The following LRMDA variants were observed in gnomAD, a reference collection of about 807,000 sequenced individuals.
The protein encoded by LRMDA is leucine-rich melanocyte differentiation-associated protein.
LRMDA carries 18 observed loss-of-function variants against 29.8 expected under a neutral mutation model. The ratio of observed to expected loss-of-function variants is 0.60; its 90% CI spans 0.42 to 0.90. The LOEUF is 0.90. Ranked by LOEUF, LRMDA falls within the 40% of genes least tolerant of loss-of-function variation. The pLI is 0.00. For missense variants in LRMDA, 273 were observed against 273.9 expected, an observed-to-expected ratio of 1.00 and a Z score of 0.02; for synonymous variants, 125 against 109.4, an observed-to-expected ratio of 1.14 and a Z score of -0.89.
At chr10:76,459,038 T>C (rs917411197) in intron 6 of LRMDA, among the ~76,000 whole-genome samples, 11 of 152,144 alleles carry the variant, frequency 7.2e-5, no homozygotes, top group African/African-American at 2.4e-4. Flanking sequence ...TGCACATTTC[T>C]TATTCCTTTT....
intron 5 of LRMDA, among the ~76,000 whole-genome samples, chr10:76,124,343 A>G (rs1356900642): frequency 6.6e-6 from 1 of 152,196 alleles, no homozygotes; most frequent in Admixed American, 6.5e-5. Context: ...TGTTTTGATA[A>G]CAGTCCTTGC....
At chr10:76,476,683 AT>A (rs1842675974) in intron 6 of LRMDA, among the ~76,000 whole-genome samples, 1 of 152,186 alleles carries the variant, frequency 6.6e-6, no homozygotes. Context: ...CCAGCAGCAC[AT>A]CAAAAACCTT....
intron 2 of LRMDA, among the ~76,000 whole-genome samples, chr10:75,804,761 G>A (rs1003620503): frequency 2.0e-5 from 3 of 152,244 alleles, no homozygotes; most frequent in Admixed American, 6.5e-5. Flanking sequence ...TGCAGGTAGG[G>A]AAGATAGATG....
chr10:75,745,654 C>A (rs552172755), intron 2 of LRMDA, among the ~76,000 whole-genome samples: 166 of 152,262 alleles, frequency 1.1e-3, no homozygotes, highest in African/African-American at 3.4e-3. Context: ...AACATTGGAA[C>A]AATATTATTG....
At chr10:75,499,442 C>A (rs1300497007) in intron 2 of LRMDA, among the ~76,000 whole-genome samples, 2 of 152,176 alleles carry the variant, frequency 1.3e-5, no homozygotes, top group Non-Finnish European at 2.9e-5. Context: ...GATGAGCAGG[C>A]CCAGGTGCTT....
At chr10:76,041,580 C>A (rs1199559635) in intron 3 of LRMDA, among the ~76,000 whole-genome samples, 1 of 152,170 alleles carries the variant, frequency 6.6e-6, no homozygotes, top group African/African-American at 2.4e-5. Flanking sequence ...GCCCTTTAAC[C>A]CGCAGCTGAG....
chr10:75,804,191 ACAC>A (rs1309735890), intron 2 of LRMDA, among the ~76,000 whole-genome samples: 1 of 152,156 alleles, frequency 6.6e-6, no homozygotes, highest in African/African-American at 2.4e-5. Flanking sequence ...TAGCTGAAAA[ACAC>A]CATTGATTCA....
At chr10:76,199,448 A>G (rs1210877412) in intron 5 of LRMDA, among the ~76,000 whole-genome samples, 4 of 152,164 alleles carry the variant, frequency 2.6e-5, no homozygotes, top group Non-Finnish European at 4.4e-5. Context: ...TCCTTAAAGT[A>G]GGGATAATAC....
intron 5 of LRMDA, among the ~76,000 whole-genome samples, chr10:76,263,188 G>A (rs961362092): frequency 1.3e-4 from 20 of 152,038 alleles, no homozygotes; most frequent in Admixed American, 1.3e-3. Flanking sequence ...CTAGGGAGTT[G>A]ATTCCAAGGC....
At chr10:76,336,574 AG>A (rs1840971477) in intron 6 of LRMDA, among the ~76,000 whole-genome samples, 2 of 152,150 alleles carry the variant, frequency 1.3e-5, no homozygotes, top group Admixed American at 6.5e-5. Flanking sequence ...AAATGACAAG[AG>A]GGGGTGGGGA....
chr10:76,388,101 A>G (rs151296189), intron 6 of LRMDA, among the ~76,000 whole-genome samples: 209 of 152,328 alleles, frequency 1.4e-3, no homozygotes, highest in Middle Eastern at 0.01. Flanking sequence ...GGAGCTTAGA[A>G]TGAAATGTGC....
chr10:75,695,225 A>ATTT (rs1842219433), intron 2 of LRMDA, among the ~76,000 whole-genome samples: 2 of 152,016 alleles, frequency 1.3e-5, no homozygotes, highest in African/African-American at 4.8e-5. Context: ...TGGTTTTTTA[A>ATTT]AAAAAATAAC....
chr10:76,555,766 C>CAAAAA (rs60428922), intron 6 of LRMDA, among the ~76,000 whole-genome samples: 1 of 124,838 alleles, frequency 8.0e-6, no homozygotes, highest in Non-Finnish European at 1.7e-5. Context: ...ACAAATTAAC[C>CAAAAA]AAAAAAAAAA....
At chr10:75,522,328 A>T (rs1845371388) in intron 2 of LRMDA, among the ~76,000 whole-genome samples, 1 of 152,212 alleles carries the variant, frequency 6.6e-6, no homozygotes, top group Non-Finnish European at 1.5e-5. Flanking sequence ...ACTGGGAAGG[A>T]CTTAGAGATC....
intron 5 of LRMDA, among the ~76,000 whole-genome samples, chr10:76,232,010 C>T (rs781170145): frequency 3.3e-5 from 5 of 152,198 alleles, no homozygotes; most frequent in Non-Finnish European, 5.9e-5. Flanking sequence ...GCTATTTCTT[C>T]TATAACACTT....
At chr10:76,022,365 C>G (rs1847988828) in intron 2 of LRMDA, among the ~76,000 whole-genome samples, 1 of 152,236 alleles carries the variant, frequency 6.6e-6, no homozygotes, top group African/African-American at 2.4e-5. Flanking sequence ...ATGGGCACAG[C>G]TAGAGTTTTT....
chr10:75,494,055 A>G (rs1050512794), intron 2 of LRMDA, among the ~76,000 whole-genome samples: 3 of 152,120 alleles, frequency 2.0e-5, no homozygotes, highest in Non-Finnish European at 2.9e-5. Flanking sequence ...CGCCCAGCCA[A>G]ATTTACTTGT....
intron 2 of LRMDA, among the ~76,000 whole-genome samples, chr10:75,697,928 G>A (rs766004554): frequency 3.3e-5 from 5 of 151,988 alleles, no homozygotes; most frequent in East Asian, 1.9e-4. Context: ...ACACCTGAGT[G>A]CTTGCTTTTG....
At chr10:76,326,615 C>T (rs1840836456) in intron 6 of LRMDA, among the ~76,000 whole-genome samples, 1 of 152,182 alleles carries the variant, frequency 6.6e-6, no homozygotes, top group African/African-American at 2.4e-5. Context: ...CATCGAGTTC[C>T]CAATCTCTTT....
Sources: gnomAD v4.1 joint callset for allele counts (sites outside exome capture counted in the v4.1 genomes callset) on GRCh38, gnomAD v4.1.1 for gene constraint, MANE v1.5 for transcripts, NCBI Gene and HGNC (gene_info 2026-07-23, HGNC 2026-07-21) for gene names.